The following MSI2 variants were observed in gnomAD, a reference collection of about 807,000 sequenced individuals.
MSI2 encodes musashi RNA binding protein 2.
MSI2 carries 17 observed loss-of-function variants against 45.6 expected under a neutral mutation model. The ratio of observed to expected loss-of-function variants is 0.37; its 90% CI spans 0.26 to 0.56. The LOEUF (loss-of-function observed/expected upper bound fraction) is 0.56, where lower values mean the gene tolerates loss of function less well. MSI2 is among the 20% of genes least tolerant of loss of function. The pLI, the probability that MSI2 is intolerant of heterozygous loss-of-function variation, is 0.77. For missense variants in MSI2, 293 were observed against 444.2 expected (o/e 0.66, Z 3.06); for synonymous variants, 156 against 158.2 (o/e 0.99, Z 0.11).
At chr17:57,625,455 G>A (rs1383159412) in intron 9 of MSI2, 3 of 152,260 alleles carry the variant, frequency 2.0e-5, no homozygotes, top group African/African-American at 4.8e-5. Flanking sequence ...CAGGCAAAGT[G>A]GAATTTAGTA....
chr17:57,697,110 C>T, the MSI2 span, among the ~76,000 whole-genome samples: 226 of 145,556 alleles, frequency 1.6e-3, no homozygotes, highest in African/African-American at 5.6e-3. Flanking sequence ...CAGACCCACC[C>T]CATCAACAGC....
intron 5 of MSI2, among the ~76,000 whole-genome samples, chr17:57,320,506 C>T (rs936388064): frequency 6.6e-5 from 10 of 152,166 alleles, no homozygotes; most frequent in Middle Eastern, 6.8e-3. Flanking sequence ...GGAGAAGCCA[C>T]GAAGAGGAGG....
At chr17:57,571,544 C>T (rs2087878018) in intron 7 of MSI2, among the ~76,000 whole-genome samples, 1 of 152,210 alleles carries the variant, frequency 6.6e-6, no homozygotes, top group Non-Finnish European at 1.5e-5. Context: ...TTCTTGTGCT[C>T]TCTGAATATT....
At chr17:57,442,503 G>T (rs1364050407) in intron 6 of MSI2, among the ~76,000 whole-genome samples, 1 of 152,132 alleles carries the variant, frequency 6.6e-6, no homozygotes, top group African/African-American at 2.4e-5. Flanking sequence ...GGATTCTATA[G>T]GGTTTTGTAC....
intron 6 of MSI2, among the ~76,000 whole-genome samples, chr17:57,480,043 T>A (rs2085617862): frequency 6.6e-6 from 1 of 152,130 alleles, no homozygotes; most frequent in African/African-American, 2.4e-5. Flanking sequence ...AGTGGCGCAG[T>A]CTCAGCTCAC....
rs551256914 is a variant in MSI2 at position 57,641,071 on chromosome 17, C to T, written c.728-11028C>T. On this transcript the variant is annotated intron_variant, in intron 10 of 13. Coordinates refer to ENST00000284073, the MANE Select transcript of MSI2 (RefSeq NM_138962.4). ...CTGCTGCCCTGAGCCAAAGTTCCTC[C>T]CCACCATGCTGGGCTCTCCCCTGAG... is the stretch of plus-strand genomic sequence containing the variant. Among the ~76,000 whole-genome samples the T allele has an allele frequency of 8.5e-5, 13 of 152,266 alleles. No homozygotes were observed. In the South Asian group the frequency reaches 2.5e-3, roughly 29 times the overall value.
At chr17:57,446,169 G>T (rs2084896853) in intron 6 of MSI2, among the ~76,000 whole-genome samples, 1 of 152,146 alleles carries the variant, frequency 6.6e-6, no homozygotes, top group African/African-American at 2.4e-5. Flanking sequence ...GTGTGTGAGG[G>T]TGTCGATTTA....
At chr17:57,417,985 C>G (rs2028626) in intron 6 of MSI2, among the ~76,000 whole-genome samples, 81,743 of 152,084 alleles carry the variant, frequency 0.54, 23,022 homozygotes, top group South Asian at 0.73. Context: ...TATTCCTCCT[C>G]TCATTCGTAG....
At chr17:57,688,677 TA>T, downstream of MSI2, among the ~76,000 whole-genome samples, 1 of 152,290 alleles carries the variant, frequency 6.6e-6, no homozygotes, top group Middle Eastern at 3.4e-3. Context: ...TACATATGTA[TA>T]TATGTGAAGA....
Position 57,478,150 on chromosome 17 carries a change from A to G in MSI2, c.406-51526A>G, listed in dbSNP as rs79456764. The stretch of plus-strand genomic sequence containing the variant: ...ACGGTATGCCACACTGGGCACATTG[A>G]TGGCGGGCCCACTGGCTGCAGGCCA... On this transcript the variant is annotated intron_variant, in intron 6 of 13. Transcript: ENST00000284073. 3.1e-4 allele frequency among the ~76,000 whole-genome samples: 47 copies of G among 152,278 alleles called. No homozygotes were observed. In the East Asian group the frequency reaches 6.0e-3, roughly 19 times the overall value.
At chr17:57,569,085 T>G (rs1044625705) in intron 7 of MSI2, among the ~76,000 whole-genome samples, 8 of 144,808 alleles carry the variant, frequency 5.5e-5, no homozygotes, top group East Asian at 2.0e-4. Context: ...AAGGCTAGGG[T>G]GGGGAGGTGA....
At chr17:57,421,664 G>A (rs780143020) in intron 6 of MSI2, among the ~76,000 whole-genome samples, 14 of 152,082 alleles carry the variant, frequency 9.2e-5, no homozygotes, top group Admixed American at 1.3e-4. Flanking sequence ...GGGGAGGATC[G>A]CTTGAGGCCA....
chr17:57,580,717 C>G (rs1236528015), intron 7 of MSI2, among the ~76,000 whole-genome samples: 1 of 152,180 alleles, frequency 6.6e-6, no homozygotes, highest in Admixed American at 6.5e-5. Context: ...CCCCTCTGGC[C>G]TAGGAATCTT....
At chr17:57,297,332 G>A (rs1359348343) in intron 5 of MSI2, among the ~76,000 whole-genome samples, 2 of 151,778 alleles carry the variant, frequency 1.3e-5, no homozygotes, top group Admixed American at 6.6e-5. Context: ...ATGATTTTTT[G>A]TGTGTCTTAG....
At chr17:57,465,560 G>A (rs763785117) in intron 6 of MSI2, among the ~76,000 whole-genome samples, 11 of 152,178 alleles carry the variant, frequency 7.2e-5, no homozygotes, top group Non-Finnish European at 1.6e-4. Flanking sequence ...TGAGGAAGGG[G>A]AGAAAGGAGC....
At chr17:57,304,137 T>A (rs1443973000) in intron 5 of MSI2, among the ~76,000 whole-genome samples, 1 of 152,070 alleles carries the variant, frequency 6.6e-6, no homozygotes, top group Non-Finnish European at 1.5e-5. Flanking sequence ...GGCGGGTGGA[T>A]CATGAGGTCA....
At chr17:57,425,795 A>C (rs1160481715) in intron 6 of MSI2, among the ~76,000 whole-genome samples, 1 of 152,224 alleles carries the variant, frequency 6.6e-6, no homozygotes, top group East Asian at 1.9e-4. Flanking sequence ...AGGAGATAAT[A>C]ATACGTTTTA....
At chr17:57,302,656 G>A (rs1278801339) in intron 5 of MSI2, among the ~76,000 whole-genome samples, 1 of 152,168 alleles carries the variant, frequency 6.6e-6, no homozygotes, top group Non-Finnish European at 1.5e-5. Flanking sequence ...TTCACTTACT[G>A]TGAGAATTTT....
intron 11 of MSI2, among the ~76,000 whole-genome samples, chr17:57,666,626 C>G (rs1248515284): frequency 1.3e-5 from 2 of 152,214 alleles, no homozygotes; most frequent in African/African-American, 4.8e-5. Context: ...GTGGTCCCAG[C>G]CTTGGATTTC....
Sources: gnomAD v4.1 joint callset for allele counts (sites outside exome capture counted in the v4.1 genomes callset) on GRCh38, gnomAD v4.1.1 for gene constraint, MANE v1.5 for transcripts, NCBI Gene and HGNC (gene_info 2026-07-23, HGNC 2026-07-21) for gene names.